The following ZFYVE9 variants were observed in gnomAD, a reference collection of about 807,000 sequenced individuals.
The protein encoded by ZFYVE9 is zinc finger FYVE-type containing 9.
Under a neutral mutation model 126.7 loss-of-function variants are expected in ZFYVE9, and 43 were observed. The observed-to-expected ratio is 0.34, with a 90% CI of 0.27 to 0.44. The LOEUF is 0.44. ZFYVE9 is among the 20% of genes least tolerant of loss of function. The probability of loss-of-function intolerance (pLI) is 1.00; values close to 1 mark genes in which losing one functional copy is unlikely to be tolerated. For synonymous variants in ZFYVE9, 521 were observed against 597.4 expected (o/e 0.87, Z 1.87); for missense variants, 1,476 against 1,697.0 (o/e 0.87, Z 2.29).
intron 1 of ZFYVE9, among the ~76,000 whole-genome samples, chr1:52,183,953 C>G (rs1321005722): frequency 6.6e-6 from 1 of 151,020 alleles, no homozygotes; most frequent in African/African-American, 2.4e-5. Context: ...CTCGACTTCC[C>G]AAAGTGCTGG....
intron 1 of ZFYVE9, among the ~76,000 whole-genome samples, chr1:52,186,430 CA>C (rs1277423346): frequency 6.6e-6 from 1 of 152,060 alleles, no homozygotes; most frequent in Non-Finnish European, 1.5e-5. Flanking sequence ...TGCCCTTTTT[CA>C]CTACTCCTAT....
rs190472132 is a variant in ZFYVE9 at position 52,142,893 on chromosome 1, A to G, written c.-143+490A>G. On this transcript the variant is annotated intron_variant, in intron 1 of 18. Coordinates refer to ENST00000287727, the MANE Select transcript of ZFYVE9 (RefSeq NM_004799.4). The surrounding 1 kb of genome is among the most constrained non-coding windows in gnomAD (Gnocchi z 4.5). Reference sequence around the variant, plus strand: ...TTGGGGGTGCAGAGAGTGCGGGACCAAGAGAGCCCCTGCTACTCCTGGAGT... The same window carrying G: ...TTGGGGGTGCAGAGAGTGCGGGACCGAGAGAGCCCCTGCTACTCCTGGAGT... Among the ~76,000 whole-genome samples, 7 of 152,234 alleles carry G rather than the reference A, an allele frequency of 4.6e-5. No homozygotes were observed. Among genetic ancestry groups the G allele is most frequent in the Non-Finnish European group, 1.0e-4 (7 of 68,002 alleles).
At chr1:52,156,295 G>T (rs1644402689) in intron 1 of ZFYVE9, among the ~76,000 whole-genome samples, 1 of 152,142 alleles carries the variant, frequency 6.6e-6, no homozygotes, top group Admixed American at 6.6e-5. Flanking sequence ...TGGCAATGTG[G>T]TCATGGCTGC....
intron 4 of ZFYVE9, among the ~76,000 whole-genome samples, chr1:52,251,507 T>C (rs1645446312): frequency 6.6e-6 from 1 of 152,220 alleles, no homozygotes; most frequent in Non-Finnish European, 1.5e-5. Context: ...TTACATTAAT[T>C]GATTTTCATA....
chr1:52,182,058 C>A lies in ZFYVE9; in HGVS notation c.-142-34311C>A, dbSNP rs867406428. ...TCCGGGAGGGAGGCGAGGGGGTCAG[C>A]CCCTCGCCCGGCCAGCTGCCCCGTC... is the stretch of plus-strand genomic sequence containing the variant. On this transcript the variant is annotated intron_variant, in intron 1 of 18. Transcript: ENST00000287727. 4.6e-5 allele frequency among the ~76,000 whole-genome samples: 7 copies of A among 151,298 alleles called. 1 individual carries two copies. In the East Asian group the frequency reaches 1.4e-3, roughly 30 times the overall value.
In ZFYVE9 at chr1:52,164,673, C is replaced by T. The variant is rs565678028; in HGVS notation, c.-143+22270C>T. 7.9e-5 allele frequency among the ~76,000 whole-genome samples: 12 copies of T among 152,278 alleles called. No homozygotes were observed. In the South Asian group the frequency reaches 2.5e-3, roughly 32 times the overall value. On this transcript the variant is annotated intron_variant, in intron 1 of 18. Coordinates refer to ENST00000287727, the MANE Select transcript of ZFYVE9 (RefSeq NM_004799.4). ...CCGTCCATCCATCCATCCATCCATC[C>T]ATCCTTTGCAGACATGCACTAGACC...
At chr1:52,218,373 A>C (rs573333204) in intron 2 of ZFYVE9, among the ~76,000 whole-genome samples, 16 of 152,194 alleles carry the variant, frequency 1.1e-4, no homozygotes, top group Non-Finnish European at 1.8e-4. Flanking sequence ...AGGAATGTCA[A>C]ATTTTCCCCT....
chr1:52,324,360 C>G (rs1244894289), intron 13 of ZFYVE9, among the ~76,000 whole-genome samples: 2 of 152,202 alleles, frequency 1.3e-5, no homozygotes, highest in African/African-American at 4.8e-5. Context: ...AAGATGGGGT[C>G]TAGCCTCTGG....
intron 13 of ZFYVE9, among the ~76,000 whole-genome samples, chr1:52,319,303 C>T (rs79146976): frequency 0.011 from 1,617 of 152,016 alleles, 21 homozygotes; most frequent in African/African-American, 0.036. Context: ...CAACACAATC[C>T]CAATCAAAAT....
At chr1:52,298,075 C>T (rs1244381630) in intron 12 of ZFYVE9, among the ~76,000 whole-genome samples, 4 of 152,116 alleles carry the variant, frequency 2.6e-5, no homozygotes, top group Non-Finnish European at 4.4e-5. Flanking sequence ...GTATGGTTTG[C>T]AGATATTTTC....
intron 2 of ZFYVE9, among the ~76,000 whole-genome samples, chr1:52,224,418 T>C (rs914222932): frequency 6.6e-6 from 1 of 152,080 alleles, no homozygotes; most frequent in Non-Finnish European, 1.5e-5. Flanking sequence ...TTGACTTAGG[T>C]AGGTCGTCTT....
chr1:52,174,800 T>A (rs1274576250), intron 1 of ZFYVE9, among the ~76,000 whole-genome samples: 1 of 152,196 alleles, frequency 6.6e-6, no homozygotes, highest in African/African-American at 2.4e-5. Context: ...GTTTAAAGTC[T>A]GTTTTATCCG....
chr1:52,295,372 G>A (rs1645963397), intron 11 of ZFYVE9, among the ~76,000 whole-genome samples: 1 of 143,158 alleles, frequency 7.0e-6, no homozygotes, highest in African/African-American at 2.6e-5. Flanking sequence ...TTGTTTGTTT[G>A]TTTTGGAGAC....
At chr1:52,214,857 A>G (rs1033849538) in intron 1 of ZFYVE9, among the ~76,000 whole-genome samples, 1 of 152,182 alleles carries the variant, frequency 6.6e-6, no homozygotes, top group Non-Finnish European at 1.5e-5. Flanking sequence ...AGCTCAACCA[A>G]TCAGAGAGAA....
chr1:52,268,968 G>A (rs980436510), intron 7 of ZFYVE9, among the ~76,000 whole-genome samples: 1 of 152,064 alleles, frequency 6.6e-6, no homozygotes, highest in Admixed American at 6.5e-5. Flanking sequence ...CCTCTCAGGA[G>A]TGCTATGGTG....
chr1:52,263,223 T>C (rs746293113), intron 4 of ZFYVE9, among the ~76,000 whole-genome samples: 2 of 152,186 alleles, frequency 1.3e-5, no homozygotes, highest in Non-Finnish European at 2.9e-5. Context: ...GATTGCCTGC[T>C]GTGATTTCCT....
intron 1 of ZFYVE9, among the ~76,000 whole-genome samples, chr1:52,159,453 G>T (rs968058421): frequency 6.6e-6 from 1 of 152,208 alleles, no homozygotes; most frequent in Non-Finnish European, 1.5e-5. Context: ...AATTGTCAGG[G>T]AGAGTCTCAG....
intron 4 of ZFYVE9, chr1:52,254,035 A>T: frequency 2.6e-6 from 2 of 758,664 alleles, no homozygotes; most frequent in South Asian, 3.0e-5. Context: ...AATGATACAG[A>T]TTGCTGTTCT....
At chr1:52,156,984 C>T (rs1205927503) in intron 1 of ZFYVE9, among the ~76,000 whole-genome samples, 1 of 152,116 alleles carries the variant, frequency 6.6e-6, no homozygotes, top group Non-Finnish European at 1.5e-5. Flanking sequence ...AGGCGCCCGC[C>T]ACCTCGCCCG....
Sources: gnomAD v4.1 joint callset for allele counts (sites outside exome capture counted in the v4.1 genomes callset) on GRCh38, gnomAD v4.1.1 for gene constraint, Gnocchi (gnomAD v3.1) non-coding constraint, MANE v1.5 for transcripts, NCBI Gene and HGNC (gene_info 2026-07-23, HGNC 2026-07-21) for gene names.